The following PIEZO2 variants were observed in gnomAD, a reference collection of about 807,000 sequenced individuals.
PIEZO2 encodes piezo-type mechanosensitive ion channel component 2.
In PIEZO2, 172 loss-of-function variants were observed where a neutral mutation model predicts 337.3. That is an observed-to-expected ratio of 0.51 (90% CI 0.45 to 0.58). The LOEUF (loss-of-function observed/expected upper bound fraction) is 0.58, where lower values mean the gene tolerates loss of function less well. PIEZO2 is among the 20% of genes least tolerant of loss of function. The probability of loss-of-function intolerance (pLI) is 0.00; values close to 1 mark genes in which losing one functional copy is unlikely to be tolerated. For missense variants in PIEZO2, 3,028 were observed against 3,391.3 expected, an observed-to-expected ratio of 0.89 and a Z score of 2.66; for synonymous variants, 1,251 against 1,228.5, an observed-to-expected ratio of 1.02 and a Z score of -0.38.
intron 4 of PIEZO2, among the ~76,000 whole-genome samples, chr18:10,900,178 TACAC>T (rs56708718): frequency 0.17 from 25,272 of 147,758 alleles, 2,144 homozygotes; most frequent in Middle Eastern, 0.22. Flanking sequence ...TTACTTTTGT[TACAC>T]ACACACACAC....
Position 11,055,922 on chromosome 18 carries a change from C to T in PIEZO2, c.160+10205G>A, listed in dbSNP as rs73945711. On this transcript the variant is annotated intron_variant, in intron 2 of 55. Coordinates refer to ENST00000674853, the MANE Select transcript of PIEZO2 (RefSeq NM_001378183.1). ...ACCTCTATGCTGACTCCTCTGCCCTCGAGCTCCATCAGGGACAAAGGTCCC... is the reference window on the plus strand; with the variant it reads ...ACCTCTATGCTGACTCCTCTGCCCTTGAGCTCCATCAGGGACAAAGGTCCC... Among the ~76,000 whole-genome samples the T allele has an allele frequency of 1.0e-3, 158 of 152,332 alleles. 2 individuals are homozygous for T. The highest frequency in any genetic ancestry group is 3.7e-3 in the African/African-American group (155 of 41,584).
intron 36 of PIEZO2, among the ~76,000 whole-genome samples, chr18:10,718,598 G>A (rs113882338): frequency 1.3e-5 from 2 of 152,280 alleles, no homozygotes; most frequent in African/African-American, 4.8e-5. Context: ...TGGTGCATGT[G>A]AAAATTATGT....
intron 3 of PIEZO2, among the ~76,000 whole-genome samples, chr18:10,918,117 A>C (rs1291996591): frequency 6.6e-6 from 1 of 152,190 alleles, no homozygotes; most frequent in Non-Finnish European, 1.5e-5. Context: ...AATGGATGAT[A>C]TATACCCAAG....
intron 35 of PIEZO2, among the ~76,000 whole-genome samples, chr18:10,732,111 G>A (rs1036547963): frequency 6.6e-6 from 1 of 152,112 alleles, no homozygotes; most frequent in Non-Finnish European, 1.5e-5. Context: ...TGGGGCTTTT[G>A]GTTGCCTTTT....
At chr18:11,022,039 A>G (rs2036330980) in intron 2 of PIEZO2, among the ~76,000 whole-genome samples, 1 of 152,220 alleles carries the variant, frequency 6.6e-6, no homozygotes, top group African/African-American at 2.4e-5. Context: ...GCCAGACCTG[A>G]AACACTTTGT....
In PIEZO2 at chr18:10,856,510, A is replaced by C. The variant is rs1332541221; in HGVS notation, c.703+491T>G. On this transcript the variant is annotated intron_variant, in intron 6 of 55. Coordinates refer to ENST00000674853, the MANE Select transcript of PIEZO2 (RefSeq NM_001378183.1). The surrounding 1 kb of genome is among the most constrained non-coding windows in gnomAD (Gnocchi z 4.7). ...TATGGAATAAGCGGTCCAAGTCCAA[A>C]ATTTAAAGGAAGTGAGCGTCTGTGC... 2.6e-5 allele frequency among the ~76,000 whole-genome samples: 4 copies of C among 152,182 alleles called. No homozygotes were observed. Among genetic ancestry groups the C allele is most frequent in the Non-Finnish European group, 4.4e-5 (3 of 68,032 alleles).
At chr18:10,880,089 CAA>C (rs2042372851) in intron 4 of PIEZO2, among the ~76,000 whole-genome samples, 1 of 152,128 alleles carries the variant, frequency 6.6e-6, no homozygotes, top group Non-Finnish European at 1.5e-5. Flanking sequence ...TTGGTAGATA[CAA>C]AAGTGTATCT....
chr18:11,010,519 C>G (rs2625352), intron 2 of PIEZO2, among the ~76,000 whole-genome samples: 2 of 151,416 alleles, frequency 1.3e-5, no homozygotes, highest in Non-Finnish European at 3.0e-5. Context: ...AAACAACAAA[C>G]CACGTCTGCA....
chr18:11,050,991 A>G (rs1212192099), intron 2 of PIEZO2, among the ~76,000 whole-genome samples: 2 of 151,664 alleles, frequency 1.3e-5, no homozygotes, highest in Admixed American at 6.6e-5. Context: ...TATTGAAAAA[A>G]TATTTTGGGG....
rs2035896547 is a variant in PIEZO2 at position 10,713,428 on chromosome 18, A to G, written c.5423+1336T>C. ...GTTGTCTATTTTGGGTTTGATATCA[A>G]TAAAATGGTCTCAGCTCCGTCTCCT... On this transcript the variant is annotated intron_variant, in intron 39 of 55. Coordinates refer to ENST00000674853, the MANE Select transcript of PIEZO2 (RefSeq NM_001378183.1). The surrounding 1 kb of genome is among the most constrained non-coding windows in gnomAD (Gnocchi z 4.5). 6.6e-6 allele frequency among the ~76,000 whole-genome samples: 1 copy of G among 152,162 alleles called. No homozygotes were observed. Among genetic ancestry groups the G allele is most frequent in the Admixed American group, 6.5e-5 (1 of 15,280 alleles).
chr18:10,869,930 CAGTGGTG>C (rs1568148254), intron 5 of PIEZO2, among the ~76,000 whole-genome samples: 31 of 152,284 alleles, frequency 2.0e-4, no homozygotes, highest in African/African-American at 7.2e-4. Context: ...GACTGGAGGG[CAGTGGTG>C]TGATCTCGGC....
intron 41 of PIEZO2, 27 bp downstream of exon 41, chr18:10,705,309 T>C (rs1201765506): frequency 6.6e-7 from 1 of 1,507,568 alleles, no homozygotes; most frequent in Non-Finnish European, 8.8e-7. Flanking sequence ...TGGGGATATG[T>C]GTCTGATCTG....
rs1380172013 is a variant in PIEZO2, at chr18:11,143,633, ACACACACTCT to A, written c.64+4882_64+4891del. Among the ~76,000 whole-genome samples the A allele has an allele frequency of 1.2e-4, 8 of 68,922 alleles. No homozygotes were observed. The highest frequency in any genetic ancestry group is 6.5e-4 in the African/African-American group (8 of 12,370). The allele number at this position is 68,922 out of a possible 152,430, so 45.2% of individuals were successfully genotyped here. A position where few individuals can be genotyped will look rare whatever the true frequency, so the allele number is the denominator to read the frequency against. ...CACACACACACACACACACACACACACACACACTCTCTCTCTCTCTCTCTCTCTCTCTCTC... is the reference window on the plus strand; with the variant it reads ...CACACACACACACACACACACACACACTCTCTCTCTCTCTCTCTCTCTCTC... On this transcript the variant is annotated intron_variant, in intron 1 of 55. Coordinates refer to ENST00000674853, the MANE Select transcript of PIEZO2 (RefSeq NM_001378183.1). The surrounding 1 kb of genome is among the most constrained non-coding windows in gnomAD (Gnocchi z 4.9).
In PIEZO2 at chr18:11,104,173, C is replaced by A. The variant is rs193084349; in HGVS notation, c.65-37951G>T. ...TCTAGTACCAAAGTATGAGACGGAC[C>A]CTGCAAATGCATAATGCACCAGGAG... On this transcript the variant is annotated intron_variant, in intron 1 of 55. Transcript: ENST00000674853. This position sits in a 1 kb window ranked among gnomAD's most constrained non-coding sequence, Gnocchi z 4.6. Among the ~76,000 whole-genome samples, 1 of 152,086 alleles carries A rather than the reference C, an allele frequency of 6.6e-6. No individual in the cohort carries two copies. The highest frequency in any genetic ancestry group is 1.5e-5 in the Non-Finnish European group (1 of 68,046).
intron 4 of PIEZO2, among the ~76,000 whole-genome samples, chr18:10,907,304 G>A (rs535868645): frequency 1.3e-5 from 2 of 152,202 alleles, no homozygotes; most frequent in South Asian, 4.2e-4. Flanking sequence ...TTAGCTGGGT[G>A]TGATGGCGGG....
chr18:10,704,675 A>T, intron 41 of PIEZO2, 23 bp from the exon 42 acceptor site: 1 of 1,526,510 alleles, frequency 6.6e-7, no homozygotes, highest in Non-Finnish European at 8.8e-7. Context: ...ACCACATGAT[A>T]ATATGTCTAT....
At chr18:11,091,480 G>A (rs922597476) in intron 1 of PIEZO2, among the ~76,000 whole-genome samples, 1 of 152,062 alleles carries the variant, frequency 6.6e-6, no homozygotes, top group African/African-American at 2.4e-5. Flanking sequence ...CTGTAAGAAT[G>A]GTAGCTTTTG....
rs188551494 is a variant in PIEZO2 at position 11,124,824 on chromosome 18, G to A, written c.64+23701C>T. On this transcript the variant is annotated intron_variant, in intron 1 of 55. Coordinates refer to ENST00000674853, the MANE Select transcript of PIEZO2 (RefSeq NM_001378183.1). ...TAAATGCCAGTGCTCCATTTTAAGCGCTGGATCGTACATGGTCAGATTTTC... is the reference window on the plus strand; with the variant it reads ...TAAATGCCAGTGCTCCATTTTAAGCACTGGATCGTACATGGTCAGATTTTC... Among the ~76,000 whole-genome samples, 7 of 152,286 alleles carry A rather than the reference G, an allele frequency of 4.6e-5. No homozygotes were observed. The East Asian group carries it at 7.7e-4, about 17-fold the overall frequency.
rs1377292923 is a variant in PIEZO2 at position 11,069,665 on chromosome 18, G to T, written c.65-3443C>A. On this transcript the variant is annotated intron_variant, in intron 1 of 55. Transcript: ENST00000674853. The surrounding 1 kb of genome is among the most constrained non-coding windows in gnomAD (Gnocchi z 4.9). ...ACTTCCATTCAATGTGGTACGGGAAGTCCTAGGCAGAGGAATTAGGCAAGA... is the reference window on the plus strand; with the variant it reads ...ACTTCCATTCAATGTGGTACGGGAATTCCTAGGCAGAGGAATTAGGCAAGA... Among the ~76,000 whole-genome samples, 1 of 152,178 alleles carries T rather than the reference G, an allele frequency of 6.6e-6. No homozygotes were observed. Among genetic ancestry groups the T allele is most frequent in the East Asian group, 1.9e-4 (1 of 5,190 alleles).
Sources: allele counts gnomAD v4.1 joint callset (sites outside exome capture counted in the v4.1 genomes callset), GRCh38; gene constraint gnomAD v4.1.1; non-coding constraint Gnocchi (gnomAD v3.1); transcripts MANE v1.5; gene names NCBI Gene and HGNC (gene_info 2026-07-23, HGNC 2026-07-21).